The following CHMP3 variants were observed in gnomAD, a reference collection of about 807,000 sequenced individuals.
CHMP3 encodes the protein charged multivesicular body protein 3.
Under a neutral mutation model 27.4 loss-of-function variants are expected in CHMP3, and 8 were observed. The ratio of observed to expected loss-of-function variants is 0.29; its 90% CI spans 0.17 to 0.53. The LOEUF (loss-of-function observed/expected upper bound fraction) is 0.53. CHMP3 is among the 20% of genes least tolerant of loss of function. The pLI is 0.96. For synonymous variants in CHMP3, 86 were observed against 85.5 expected (o/e 1.01, Z -0.03); for missense variants, 208 against 271.5 (o/e 0.77, Z 1.64).
intron 3 of CHMP3, among the ~76,000 whole-genome samples, chr2:86,513,465 A>C (rs971005432): frequency 1.3e-5 from 2 of 152,234 alleles, no homozygotes; most frequent in Admixed American, 6.5e-5. Context: ...CGAATGTACA[A>C]CACCAAGAGT....
At chr2:86,516,048 T>C (rs1479718144) in intron 3 of CHMP3, among the ~76,000 whole-genome samples, 2 of 146,030 alleles carry the variant, frequency 1.4e-5, no homozygotes, top group African/African-American at 5.1e-5. Flanking sequence ...CTCAGGAGGC[T>C]GAGACAGGGA....
intron 1 of CHMP3, among the ~76,000 whole-genome samples, chr2:86,561,245 G>A (rs994730600): frequency 2.0e-5 from 3 of 152,170 alleles, no homozygotes; most frequent in Non-Finnish European, 4.4e-5. Flanking sequence ...CAAACTGTAT[G>A]ACCTTGGGCA....
At chr2:86,530,244 C>T (rs377462313) in intron 2 of CHMP3, among the ~76,000 whole-genome samples, 5 of 152,118 alleles carry the variant, frequency 3.3e-5, no homozygotes, top group East Asian at 1.9e-4. Flanking sequence ...CCACCTGCCT[C>T]GGCCTCCCAA....
At chr2:86,511,617 A>G (rs188486696) in intron 3 of CHMP3, 13 of 152,048 alleles carry the variant, frequency 8.5e-5, no homozygotes, top group African/African-American at 2.6e-4. Context: ...AAAGGTGGGA[A>G]GAAAAGGGTA....
intron 1 of CHMP3, among the ~76,000 whole-genome samples, chr2:86,555,841 C>T (rs771665575): frequency 6.6e-6 from 1 of 152,198 alleles, no homozygotes; most frequent in Non-Finnish European, 1.5e-5. Flanking sequence ...AACTCCCCAT[C>T]TCAAGAACCT....
At chr2:86,548,374 G>C (rs1676699819) in intron 1 of CHMP3, among the ~76,000 whole-genome samples, 1 of 152,132 alleles carries the variant, frequency 6.6e-6, no homozygotes, top group Non-Finnish European at 1.5e-5. Context: ...CGTGAGATTA[G>C]GGAGTGGAGA....
intron 4 of CHMP3, among the ~76,000 whole-genome samples, chr2:86,509,534 C>T (rs149806661): frequency 2.0e-5 from 3 of 152,170 alleles, no homozygotes; most frequent in African/African-American, 4.8e-5. Flanking sequence ...TATGCACAGC[C>T]TCTATACAAG....
intron 5 of CHMP3, among the ~76,000 whole-genome samples, chr2:86,506,846 C>G (rs149275467): frequency 1.3e-3 from 198 of 151,994 alleles, no homozygotes; most frequent in African/African-American, 4.6e-3. Flanking sequence ...TTCAACCAAT[C>G]CACTTGCCTC....
intron 3 of CHMP3, 185 bp from the exon 4 acceptor site, chr2:86,510,664 T>A (rs1032407859): frequency 1.3e-6 from 1 of 796,116 alleles, no homozygotes; most frequent in African/African-American, 1.7e-5. Flanking sequence ...GTATGCTATC[T>A]GGGTTACTAC....
chr2:86,508,015 T>C (rs1674952610), intron 4 of CHMP3, among the ~76,000 whole-genome samples: 1 of 152,150 alleles, frequency 6.6e-6, no homozygotes. Context: ...CCGTAGTAGA[T>C]GCCGTGATAA....
chr2:86,562,314 G>A (rs772130358), intron 1 of CHMP3: 7 of 151,916 alleles, frequency 4.6e-5, no homozygotes, highest in African/African-American at 7.3e-5. Context: ...AGGTGTTGCA[G>A]AGCAGTGCTT....
rs1674777691 is a variant in CHMP3 at position 86,503,448 on chromosome 2, C to G, written c.*2356G>C. The G allele has an allele frequency of 6.6e-6, 1 of 152,154 alleles. No individual in the cohort carries two copies. The highest frequency in any genetic ancestry group is 2.4e-5 in the African/African-American group (1 of 41,432). 9.4% of individuals were successfully genotyped at this position (152,154 alleles called of 1,614,324 possible). ...CAAACCATATGATCCAGCACTGAAG[C>G]TCTTGGTATTTATTCAAATGAATTA... On this transcript the variant is annotated 3_prime_UTR_variant, in exon 6 of 6. Transcript: ENST00000263856.
chr2:86,554,878 C>T lies in CHMP3; in HGVS notation c.45+8426G>A, dbSNP rs369773220. On this transcript the variant is annotated intron_variant, in intron 1 of 5. Coordinates refer to ENST00000263856, the MANE Select transcript of CHMP3 (RefSeq NM_016079.4). ...TTTTTTTTTTTTTGAGATGGAGTCC[C>T]GCTCTGTCGCCCAGGCTAGAGTGCA... Among the ~76,000 whole-genome samples, 386 of 147,638 alleles carry T rather than the reference C, an allele frequency of 2.6e-3. 2 individuals are homozygous for T. The highest frequency in any genetic ancestry group is 7.2e-3 in the Middle Eastern group (2 of 278).
At chr2:86,550,024 G>A (rs1156336064) in intron 1 of CHMP3, among the ~76,000 whole-genome samples, 1 of 152,232 alleles carries the variant, frequency 6.6e-6, no homozygotes, top group Admixed American at 6.5e-5. Context: ...GGCCAAGGCA[G>A]GTGGCTGGAA....
intron 1 of CHMP3, among the ~76,000 whole-genome samples, chr2:86,544,496 C>T (rs768145350): frequency 1.3e-5 from 2 of 152,052 alleles, no homozygotes; most frequent in East Asian, 1.9e-4. Flanking sequence ...CTGAGGCCTT[C>T]CGCAGTGTTT....
chr2:86,527,481 G>A lies in CHMP3; in HGVS notation c.286+1737C>T, dbSNP rs528326797. Among the ~76,000 whole-genome samples, 10 of 152,238 alleles carry A rather than the reference G, an allele frequency of 6.6e-5. No homozygotes were observed. The East Asian group carries it at 1.9e-3, about 29-fold the overall frequency. On this transcript the variant is annotated intron_variant, in intron 3 of 5. Coordinates refer to ENST00000263856, the MANE Select transcript of CHMP3 (RefSeq NM_016079.4). ...TTGAGCATGTTGCAGGAAAAATTGA[G>A]AATCAATCTGAATTTTTCAAGCTGG...
intron 3 of CHMP3, 31 bp downstream of exon 3, chr2:86,529,187 T>G (rs184196337): frequency 6.5e-7 from 1 of 1,543,694 alleles, no homozygotes; most frequent in Non-Finnish European, 8.7e-7. Context: ...CCCGGCATTA[T>G]GAGGTGACTG....
chr2:86,538,388 G>C (rs1222416761), intron 2 of CHMP3, among the ~76,000 whole-genome samples: 3 of 152,142 alleles, frequency 2.0e-5, no homozygotes, highest in Admixed American at 6.5e-5. Context: ...TAATGCCACT[G>C]AACTGTACAC....
chr2:86,556,499 G>A (rs988269166), intron 1 of CHMP3, among the ~76,000 whole-genome samples: 10 of 152,144 alleles, frequency 6.6e-5, no homozygotes, highest in Admixed American at 1.3e-4. Context: ...ATGGAAGGTC[G>A]GGAGGTTTTT....
Sources: gnomAD v4.1 joint callset for allele counts (sites outside exome capture counted in the v4.1 genomes callset) on GRCh38, gnomAD v4.1.1 for gene constraint, MANE v1.5 for transcripts, NCBI Gene and HGNC (gene_info 2026-07-23, HGNC 2026-07-21) for gene names.